EPB41L5: variants seen among roughly 807,000 people sequenced by gnomAD.
The protein encoded by EPB41L5 is band 4.1-like protein 5.
Under a neutral mutation model 106.6 loss-of-function variants are expected in EPB41L5, and 55 were observed. The ratio of observed to expected loss-of-function variants is 0.52; its 90% CI spans 0.42 to 0.65. The LOEUF is 0.65. Among genes scored for constraint, EPB41L5 ranks in the 30% least tolerant of loss-of-function variants. EPB41L5 has a pLI of 0.00. For missense variants in EPB41L5, 871 were observed against 882.1 expected (o/e 0.99, Z 0.16); for synonymous variants, 297 against 306.7 (o/e 0.97, Z 0.33).
At chr2:120,133,336 C>T (rs147675495) in intron 18 of EPB41L5, among the ~76,000 whole-genome samples, 2 of 152,110 alleles carry the variant, frequency 1.3e-5, no homozygotes, top group Non-Finnish European at 2.9e-5. Context: ...TAACATTATA[C>T]CAAGGAAGGA....
intron 2 of EPB41L5, among the ~76,000 whole-genome samples, chr2:120,021,652 A>G (rs757950413): frequency 1.3e-5 from 2 of 152,190 alleles, no homozygotes; most frequent in Non-Finnish European, 2.9e-5. Context: ...AAAAAAAGGA[A>G]CAACTGTCTT....
chr2:120,158,490 CATT>C (rs1298978820), intron 20 of EPB41L5, among the ~76,000 whole-genome samples: 1 of 152,192 alleles, frequency 6.6e-6, no homozygotes, highest in Admixed American at 6.5e-5. Flanking sequence ...ACAAAAACCA[CATT>C]ATTATCTCAA....
intron 22 of EPB41L5, among the ~76,000 whole-genome samples, chr2:120,165,985 A>C (rs969254100): frequency 6.6e-6 from 1 of 151,270 alleles, no homozygotes; most frequent in Non-Finnish European, 1.5e-5. Context: ...AAAAAAAAAA[A>C]AAAAAAAAAC....
In EPB41L5 at chr2:120,051,390, A is replaced by C. The variant is rs538073006; in HGVS notation, c.285+9280A>C. Among the ~76,000 whole-genome samples the C allele has an allele frequency of 9.2e-5, 14 of 152,250 alleles. No homozygotes were observed. In the South Asian group the frequency reaches 2.5e-3, roughly 27 times the overall value. On this transcript the variant is annotated intron_variant, in intron 3 of 24. Coordinates refer to ENST00000263713, the MANE Select transcript of EPB41L5 (RefSeq NM_020909.4). Reference sequence around the variant, plus strand: ...TCCCCCAGCCTCGCTGCCACCTTGCAGTTTGATCTCAGACTACTGTGCTAG... The same window carrying C: ...TCCCCCAGCCTCGCTGCCACCTTGCCGTTTGATCTCAGACTACTGTGCTAG...
At chr2:120,023,893 T>A (rs1678115565) in intron 2 of EPB41L5, among the ~76,000 whole-genome samples, 1 of 152,222 alleles carries the variant, frequency 6.6e-6, no homozygotes, top group Non-Finnish European at 1.5e-5. Flanking sequence ...AAGAGGTCCT[T>A]CACATCTCTT....
intron 6 of EPB41L5, 30 bp from the exon 7 acceptor site, chr2:120,075,671 T>C: frequency 6.3e-7 from 1 of 1,592,354 alleles, no homozygotes; most frequent in Non-Finnish European, 8.6e-7. Flanking sequence ...TGAAATCAAC[T>C]TGTCTAACAA....
intron 20 of EPB41L5, among the ~76,000 whole-genome samples, chr2:120,159,764 C>G (rs544922087): frequency 1.1e-4 from 16 of 152,316 alleles, no homozygotes; most frequent in Non-Finnish European, 1.2e-4. Flanking sequence ...CTACAACTAT[C>G]TGATCTTTGA....
chr2:120,024,904 G>A (rs563989648), intron 2 of EPB41L5, among the ~76,000 whole-genome samples: 8 of 152,250 alleles, frequency 5.3e-5, no homozygotes, highest in Admixed American at 1.3e-4. Flanking sequence ...GATTCGGTTC[G>A]CCAGTATTTT....
rs1009059143 is a variant in EPB41L5 at position 120,077,306 on chromosome 2, A to G, written c.704A>G (p.His235Arg). ...KWLEMYGVDM[H>R]VVKARDGNDY... is the part of the protein sequence containing the mutation. ...CTAGAAATGTATGGGGTTGATATGC[A>G]TGTGGTCAAGGTAAGCATTGTGTTG... The change falls in exon 9 of 25, where the codon CAT becomes CGT. Residue 235 changes from histidine to arginine, a missense_variant. Transcript: ENST00000263713. The G allele has an allele frequency of 3.7e-6, 6 of 1,611,294 alleles. No homozygotes were observed. The highest frequency in any genetic ancestry group is 2.7e-5 in the African/African-American group (2 of 74,894).
At position 120,178,682 on chromosome 2, in the gene EPB41L5, G is replaced by C. The variant is rs1188321985; in HGVS notation, c.*3775G>C. On this transcript the variant is annotated 3_prime_UTR_variant, in exon 25 of 25. Transcript: ENST00000263713. Reference sequence around the variant, plus strand: ...TATGAGGACATTTGTTTGAATTATAGAAATTTGCCCTGAGCTGAACTGGGT... The same window carrying C: ...TATGAGGACATTTGTTTGAATTATACAAATTTGCCCTGAGCTGAACTGGGT... 1 of 152,198 alleles carries C rather than the reference G, an allele frequency of 6.6e-6. No homozygotes were observed. The highest frequency in any genetic ancestry group is 1.5e-5 in the Non-Finnish European group (1 of 68,032). 9.4% of individuals were successfully genotyped at this position (152,198 alleles called of 1,614,324 possible).
intron 3 of EPB41L5, among the ~76,000 whole-genome samples, chr2:120,054,226 A>T (rs761350868): frequency 2.0e-5 from 3 of 151,998 alleles, no homozygotes; most frequent in Non-Finnish European, 4.4e-5. Context: ...GTCTATTCAG[A>T]TCCTTTGCCT....
chr2:120,153,947 C>T (rs1470309457), intron 20 of EPB41L5, among the ~76,000 whole-genome samples: 1 of 152,114 alleles, frequency 6.6e-6, no homozygotes, highest in African/African-American at 2.4e-5. Context: ...TTCTTTCTGC[C>T]ACTCTCTACC....
chr2:120,077,424 A>G (rs1682325197), intron 9 of EPB41L5, 108 bp downstream of exon 9: 1 of 754,992 alleles, frequency 1.3e-6, no homozygotes, highest in Non-Finnish European at 2.1e-6. Context: ...ATAAGCTAGC[A>G]CTGGGTACTT....
intron 20 of EPB41L5, chr2:120,160,594 C>T (rs1466454311): frequency 3.6e-6 from 1 of 279,266 alleles, no homozygotes; most frequent in Admixed American, 5.1e-5. Flanking sequence ...TTTAAAGTTG[C>T]TGTACTAATT....
chr2:120,132,683 C>T (rs1293265248), intron 18 of EPB41L5, among the ~76,000 whole-genome samples: 1 of 152,160 alleles, frequency 6.6e-6, no homozygotes, highest in Admixed American at 6.6e-5. Context: ...TTCTATCCCA[C>T]TTGTCTGTTT....
At chr2:120,094,653 G>A (rs1683626994) in intron 14 of EPB41L5, among the ~76,000 whole-genome samples, 1 of 151,822 alleles carries the variant, frequency 6.6e-6, no homozygotes, top group Non-Finnish European at 1.5e-5. Flanking sequence ...TATTTAAGGT[G>A]GAAGATTAGG....
At chr2:120,021,714 A>G (rs1471221468) in intron 2 of EPB41L5, among the ~76,000 whole-genome samples, 3 of 152,222 alleles carry the variant, frequency 2.0e-5, no homozygotes, top group South Asian at 2.1e-4. Flanking sequence ...AGGTACGTGC[A>G]TGGATATAAA....
intron 21 of EPB41L5, among the ~76,000 whole-genome samples, chr2:120,164,630 T>C (rs1687308651): frequency 6.6e-6 from 1 of 152,324 alleles, no homozygotes; most frequent in Non-Finnish European, 1.5e-5. Flanking sequence ...GCACTTCAGC[T>C]TTTTCACATC....
At chr2:120,169,610 C>T (rs1687578778) in intron 24 of EPB41L5, among the ~76,000 whole-genome samples, 1 of 152,180 alleles carries the variant, frequency 6.6e-6, no homozygotes, top group African/African-American at 2.4e-5. Flanking sequence ...CTCTCCCTCT[C>T]TCACCCCCTT....
Sources: gnomAD v4.1 joint callset for allele counts (sites outside exome capture counted in the v4.1 genomes callset) on GRCh38, gnomAD v4.1.1 for gene constraint, MANE v1.5 for transcripts, NCBI Gene and HGNC (gene_info 2026-07-23, HGNC 2026-07-21) for gene names.